The following WDR17 variants were observed in gnomAD, a reference collection of about 807,000 sequenced individuals.
WDR17 encodes WD repeat-containing protein 17.
In WDR17, 143 loss-of-function variants were observed where a neutral mutation model predicts 161.7. That is an observed-to-expected ratio of 0.88 (90% CI 0.77 to 1.02). The LOEUF is 1.02. Ranked by LOEUF, WDR17 falls within the 50% of genes least tolerant of loss-of-function variation. WDR17 has a pLI of 0.00. For synonymous variants in WDR17, 517 were observed against 515.6 expected (o/e 1.00, Z -0.04); for missense variants, 1,469 against 1,520.9 (o/e 0.97, Z 0.57).
intron 4 of WDR17, among the ~76,000 whole-genome samples, chr4:176,123,214 C>G (rs934623346): frequency 6.6e-6 from 1 of 152,196 alleles, no homozygotes; most frequent in Non-Finnish European, 1.5e-5. Flanking sequence ...TGATGACACT[C>G]TCTATATAAC....
At position 176,181,474 on chromosome 4, in the gene WDR17, TTA is replaced by T. The variant is rs1183562011; in HGVS notation, c.*1904_*1905del. The T allele has an allele frequency of 4.5e-6, 1 of 221,878 alleles. No homozygotes were observed. Among genetic ancestry groups the T allele is most frequent in the Non-Finnish European group, 8.9e-6 (1 of 112,888 alleles). The allele number at this position is 221,878 out of a possible 1,614,324, so 13.7% of individuals were successfully genotyped here. A position where few individuals can be genotyped will look rare whatever the true frequency, so the allele number is the denominator to read the frequency against. ...AGAGCAAGACCACCATCTCCAAAAA[TTA>T]TATATATAAAAATAATTAATATTAT... is the stretch of plus-strand genomic sequence containing the variant. On this transcript the variant is annotated 3_prime_UTR_variant, in exon 29 of 29. Coordinates refer to ENST00000508596, the MANE Select transcript of WDR17 (RefSeq NM_181265.4).
In WDR17 at chr4:176,120,321, A is replaced by T. The variant is rs11931216; in HGVS notation, c.538+224A>T. On this transcript the variant is annotated intron_variant, in intron 4 of 28. Transcript: ENST00000508596. ...ATATATATATATATATATATATATA[A>T]TACATTCAACACAGCTGTGAATATT... Among the ~76,000 whole-genome samples the T allele has an allele frequency of 3.7e-3, 496 of 134,876 alleles. 4 individuals are homozygous for T. The highest frequency in any genetic ancestry group is 0.013 in the African/African-American group (452 of 34,656). 88.5% of individuals were successfully genotyped at this position (134,876 alleles called of 152,430 possible).
intron 11 of WDR17, among the ~76,000 whole-genome samples, chr4:176,142,756 A>AT: frequency 6.6e-6 from 1 of 152,240 alleles, no homozygotes. Flanking sequence ...GAAATGTGGG[A>AT]AATATAGAGT....
At chr4:176,085,246 T>A (rs1469192282) in intron 1 of WDR17, among the ~76,000 whole-genome samples, 5 of 152,232 alleles carry the variant, frequency 3.3e-5, no homozygotes, top group Admixed American at 3.3e-4. Context: ...GTATCTTTAC[T>A]TTTTTGTTTA....
intron 17 of WDR17, among the ~76,000 whole-genome samples, chr4:176,152,301 A>C (rs1164956399): frequency 6.8e-6 from 1 of 148,092 alleles, no homozygotes; most frequent in Non-Finnish European, 1.5e-5. Flanking sequence ...TCTCAAAAAA[A>C]AAAAAAAAAA....
At chr4:176,150,685 T>G in intron 16 of WDR17, 92 bp downstream of exon 16, 1 of 1,270,172 alleles carries the variant, frequency 7.9e-7, no homozygotes, top group Non-Finnish European at 1.0e-6. Context: ...TATATATGAT[T>G]AGATCGGTAG....
At chr4:176,142,970 C>G (rs564403551) in intron 11 of WDR17, among the ~76,000 whole-genome samples, 108 of 152,274 alleles carry the variant, frequency 7.1e-4, no homozygotes, top group African/African-American at 2.6e-3. Context: ...ACCTCCGCCT[C>G]CCGGGTTCAA....
intron 10 of WDR17, among the ~76,000 whole-genome samples, chr4:176,140,250 C>T (rs140122670): frequency 1.3e-5 from 2 of 152,056 alleles, no homozygotes; most frequent in Non-Finnish European, 2.9e-5. Flanking sequence ...ATTTCTTTGC[C>T]TCAAAGAAAC....
At chr4:176,173,806 C>T (rs1207512604) in intron 25 of WDR17, among the ~76,000 whole-genome samples, 1 of 151,620 alleles carries the variant, frequency 6.6e-6, no homozygotes, top group African/African-American at 2.4e-5. Flanking sequence ...TGAGCCACTG[C>T]GCCTGGCCGT....
chr4:176,140,643 A>G (rs1262667131), intron 10 of WDR17, among the ~76,000 whole-genome samples: 1 of 152,168 alleles, frequency 6.6e-6, no homozygotes, highest in Non-Finnish European at 1.5e-5. Context: ...ATAGGTGGAT[A>G]GGTGGTATAG....
At chr4:176,152,005 T>C (rs774619767) in intron 17 of WDR17, 38 bp downstream of exon 17, 7 of 1,586,442 alleles carry the variant, frequency 4.4e-6, no homozygotes, top group South Asian at 1.2e-5. Context: ...GAGTTTAACA[T>C]AGTAGTCTAA....
In WDR17 at chr4:176,128,797, CTTAAA is replaced by C. The variant is rs1285930726; in HGVS notation, c.856_860del (p.Leu286GlufsTer11). On this transcript the variant is annotated frameshift_variant, in exon 6 of 29. Transcript: ENST00000508596. LOFTEE classifies it high-confidence loss of function. ...TTCAAGAACAACACCTATTGATAAT[CTTAAA>C]TTAAAGAAAACAGGATTTCACTGCT... is the stretch of plus-strand genomic sequence containing the variant. 22 of 1,606,014 alleles carry C rather than the reference CTTAAA, an allele frequency of 1.4e-5. No individual in the cohort carries two copies. The highest frequency in any genetic ancestry group is 1.8e-5 in the Non-Finnish European group (21 of 1,176,778).
chr4:176,139,093 G>A (rs1744853896), intron 9 of WDR17, among the ~76,000 whole-genome samples: 2 of 151,924 alleles, frequency 1.3e-5, no homozygotes, highest in African/African-American at 4.8e-5. Flanking sequence ...CAGCAAACTG[G>A]AGATTGCTTT....
intron 1 of WDR17, among the ~76,000 whole-genome samples, chr4:176,100,303 AG>A (rs1403249104): frequency 6.6e-6 from 1 of 152,002 alleles, no homozygotes; most frequent in Non-Finnish European, 1.5e-5. Context: ...ATCTCATTGT[AG>A]TTTTAATTTG....
intron 4 of WDR17, 33 bp from the exon 5 acceptor site, chr4:176,125,071 T>A (rs1742237184): frequency 1.2e-6 from 2 of 1,604,560 alleles, no homozygotes; most frequent in African/African-American, 2.7e-5. Context: ...TTCTGCAAGT[T>A]TTTTGGAAAT....
intron 1 of WDR17, among the ~76,000 whole-genome samples, chr4:176,090,767 A>G (rs1561082793): frequency 6.6e-6 from 1 of 152,186 alleles, no homozygotes; most frequent in South Asian, 2.1e-4. Flanking sequence ...GAGAGCCTCG[A>G]ACAGAGATTT....
chr4:176,114,321 G>A (rs1579085091), intron 2 of WDR17, among the ~76,000 whole-genome samples: 1 of 151,972 alleles, frequency 6.6e-6, no homozygotes, highest in Admixed American at 6.6e-5. Context: ...TTGGTTTTGG[G>A]TTATGTTTAC....
intron 2 of WDR17, among the ~76,000 whole-genome samples, chr4:176,114,592 C>T (rs1199600755): frequency 6.6e-6 from 1 of 151,968 alleles, no homozygotes; most frequent in Non-Finnish European, 1.5e-5. Context: ...TGTGAAGAAA[C>T]AGGCAGAGTC....
At position 176,160,019 on chromosome 4, in the gene WDR17, G is replaced by T. The variant is rs1481613881; in HGVS notation, c.2551G>T (p.Asp851Tyr). ...GAGAGCTGACCAATTAATCCAGGAA[G>T]ATAAGGATGATGTCATTCCATACTG... is the stretch of plus-strand genomic sequence containing the variant. The part of the protein sequence containing the change: ...QRRADQLIQE[D>Y]KDDVIPYCIA... The change falls in exon 19 of 29, where the codon GAT becomes TAT. Residue 851 changes from aspartate to tyrosine, a missense_variant. Physicochemically the swap from Asp to Tyr is radical, Grantham distance 160. Transcript: ENST00000508596. 1.2e-6 allele frequency: 2 copies of T among 1,609,844 alleles called. No homozygotes were observed. Among genetic ancestry groups the T allele is most frequent in the Non-Finnish European group, 1.7e-6 (2 of 1,177,248 alleles).
Sources: allele counts gnomAD v4.1 joint callset (sites outside exome capture counted in the v4.1 genomes callset), GRCh38; gene constraint gnomAD v4.1.1; transcripts MANE v1.5; gene names NCBI Gene and HGNC (gene_info 2026-07-23, HGNC 2026-07-21).